The following TMC2 variants were observed in gnomAD, a reference collection of about 807,000 sequenced individuals.
The protein encoded by TMC2 is transmembrane channel like 2.
In TMC2, 102 loss-of-function variants were observed where a neutral mutation model predicts 105.9. The ratio of observed to expected loss-of-function variants is 0.96; its 90% CI spans 0.82 to 1.14. TMC2 has a LOEUF of 1.14. TMC2 is among the 50% of genes most tolerant of loss of function. TMC2 has a pLI of 0.00. For missense variants in TMC2, 1,093 were observed against 1,134.3 expected (o/e 0.96, Z 0.52); for synonymous variants, 402 against 422.8 (o/e 0.95, Z 0.60).
At position 2,597,276 on chromosome 20, in the gene TMC2, C is replaced by T. The variant is rs1171019040; in HGVS notation, c.1202C>T (p.Ala401Val). ...GNSETADNKY[A>V]SITTSFKESI... ...TCAGAGACAGCTGATAACAAATATG[C>T]ATCCATCACCACCAGCTTCAAGGTA... Residue 401 changes from alanine (A) to valine (V), a missense_variant, in exon 10 of 20, where the codon GCA (alanine) becomes GTA (valine). Ala to Val is a moderately conservative substitution (Grantham distance 64). Transcript: ENST00000358864. 5 of 1,613,766 alleles carry T rather than the reference C, an allele frequency of 3.1e-6. No homozygotes were observed. The highest frequency in any genetic ancestry group is 2.7e-5 in the African/African-American group (2 of 74,906).
chr20:2,583,808 A>G lies in TMC2; in HGVS notation c.834+3752A>G, dbSNP rs558893445. ...GATTCTTCCCCAGTCAAACCTTCAAATAAGACCAAAGCAGAAATTTTGGTT... is the reference window on the plus strand; with the variant it reads ...GATTCTTCCCCAGTCAAACCTTCAAGTAAGACCAAAGCAGAAATTTTGGTT... On this transcript the variant is annotated intron_variant, in intron 7 of 19. Transcript: ENST00000358864. 2.6e-5 allele frequency among the ~76,000 whole-genome samples: 4 copies of G among 152,276 alleles called. No individual in the cohort carries two copies. The East Asian group carries it at 5.8e-4, about 22-fold the overall frequency.
chr20:2,606,009 G>A (rs1401264841), intron 11 of TMC2, among the ~76,000 whole-genome samples: 1 of 152,152 alleles, frequency 6.6e-6, no homozygotes, highest in Non-Finnish European at 1.5e-5. Context: ...ACCAAGCTTA[G>A]AGCCTCTCTA....
chr20:2,550,157 C>G (rs2085948176), intron 2 of TMC2, among the ~76,000 whole-genome samples: 1 of 150,556 alleles, frequency 6.6e-6, no homozygotes, highest in Non-Finnish European at 1.5e-5. Flanking sequence ...TGCACTCCAG[C>G]CTGGGCAACA....
chr20:2,537,659 G>A (rs1019418871), intron 2 of TMC2, among the ~76,000 whole-genome samples: 1 of 152,084 alleles, frequency 6.6e-6, no homozygotes, highest in South Asian at 2.1e-4. Flanking sequence ...CCAGGCCCCC[G>A]GACTCTAGGA....
chr20:2,554,549 C>A (rs1330412524), intron 2 of TMC2, among the ~76,000 whole-genome samples: 1 of 152,048 alleles, frequency 6.6e-6, no homozygotes, highest in Admixed American at 6.6e-5. Context: ...GATTTTAGAT[C>A]TTCTTTTCTA....
At chr20:2,568,722 T>C (rs1426241143) in intron 4 of TMC2, among the ~76,000 whole-genome samples, 1 of 152,180 alleles carries the variant, frequency 6.6e-6, no homozygotes, top group East Asian at 1.9e-4. Flanking sequence ...GTATTGGTGT[T>C]CACTGATAAG....
chr20:2,606,633 T>C (rs962441306), intron 11 of TMC2, among the ~76,000 whole-genome samples: 1 of 152,114 alleles, frequency 6.6e-6, no homozygotes, highest in Non-Finnish European at 1.5e-5. Context: ...GAATTATAGG[T>C]TTTTTTAATT....
In TMC2 at chr20:2,592,322, A is replaced by G. The variant is rs141680917; in HGVS notation, c.847A>G (p.Met283Val). 4.7e-4 allele frequency: 758 copies of G among 1,613,028 alleles called. 5 individuals carry two copies. In the East Asian group the frequency reaches 0.015, roughly 32 times the overall value. ...LVIIPEVLMGMPYGSIPRKTV... is the reference protein window; with the variant it reads ...LVIIPEVLMGVPYGSIPRKTV... ...GTTTCTGCACAAGGTACTGATGGGC[A>G]TGCCCTATGGGAGTATTCCCAGAAA... The change falls in exon 8 of 20, where the codon ATG (methionine) becomes GTG (valine). Residue 283 changes from methionine to valine, a missense_variant. Met to Val is a conservative substitution (Grantham distance 21). Coordinates refer to ENST00000358864, the MANE Select transcript of TMC2 (RefSeq NM_080751.3). The surrounding 1 kb of genome is among the most constrained non-coding windows in gnomAD (Gnocchi z 4.9).
chr20:2,593,433 A>G (rs1017653140), intron 8 of TMC2, among the ~76,000 whole-genome samples: 1 of 152,200 alleles, frequency 6.6e-6, no homozygotes, highest in African/African-American at 2.4e-5. Flanking sequence ...AAATCAGTGA[A>G]TATCTGGACT....
intron 2 of TMC2, among the ~76,000 whole-genome samples, chr20:2,554,278 A>G (rs2085973561): frequency 1.3e-5 from 2 of 152,156 alleles, no homozygotes; most frequent in Non-Finnish European, 2.9e-5. Flanking sequence ...AGCCTGGGCA[A>G]CGGAGCAACA....
chr20:2,597,746 C>T (rs1338705242), intron 10 of TMC2, among the ~76,000 whole-genome samples: 15 of 151,946 alleles, frequency 9.9e-5, no homozygotes, highest in East Asian at 3.9e-4. Flanking sequence ...GATCTGCCCT[C>T]CTGCACCTCC....
intron 16 of TMC2, chr20:2,617,674 C>A: frequency 4.3e-6 from 1 of 232,918 alleles, no homozygotes; most frequent in Non-Finnish European, 8.5e-6. Flanking sequence ...ATATAATGAT[C>A]AAATCAGGGT....
chr20:2,576,903 TTTTTTTTTTG>T (rs1397990486), intron 5 of TMC2, among the ~76,000 whole-genome samples: 1 of 119,688 alleles, frequency 8.4e-6, no homozygotes, highest in African/African-American at 3.7e-5. Flanking sequence ...CTTCTTGGTT[TTTTTTTTTTG>T]TTTTTTTTTT....
At chr20:2,570,163 G>A (rs1003478946) in intron 4 of TMC2, among the ~76,000 whole-genome samples, 1 of 151,950 alleles carries the variant, frequency 6.6e-6, no homozygotes, top group South Asian at 2.1e-4. Flanking sequence ...AAAATGAAAG[G>A]CAGGAAAGAA....
chr20:2,588,635 TC>T (rs1568515460), intron 7 of TMC2, among the ~76,000 whole-genome samples: 2 of 151,814 alleles, frequency 1.3e-5, no homozygotes, highest in Non-Finnish European at 1.5e-5. Context: ...TCTATGCCAT[TC>T]CATCTTCTCT....
intron 2 of TMC2, among the ~76,000 whole-genome samples, chr20:2,547,680 A>C (rs1185340122): frequency 1.3e-5 from 2 of 152,362 alleles, no homozygotes; most frequent in East Asian, 3.9e-4. Flanking sequence ...TCAATCTTAA[A>C]AACAAACAAA....
rs1333726345 is a variant in TMC2, at chr20:2,641,269, G to C, written c.2639G>C (p.Gly880Ala). The C allele has an allele frequency of 1.9e-6, 3 of 1,614,134 alleles. No homozygotes were observed. Among genetic ancestry groups the C allele is most frequent in the Non-Finnish European group, 2.5e-6 (3 of 1,180,038 alleles). The change falls in exon 20 of 20, where the codon GGA becomes GCA. Residue 880 changes from glycine (G) to alanine (A), a missense_variant. Coordinates refer to ENST00000358864, the MANE Select transcript of TMC2 (RefSeq NM_080751.3). ...HLPISRPPGI[G>A]PDSGHAPSQT... The stretch of plus-strand genomic sequence containing the variant: ...CCTATATCTCGGCCCCCTGGAATCG[G>C]ACCAGATTCTGGCCACGCCCCATCT...
At chr20:2,578,713 A>AGAG (rs1555773435) in intron 5 of TMC2, among the ~76,000 whole-genome samples, 1 of 152,142 alleles carries the variant, frequency 6.6e-6, no homozygotes, top group Non-Finnish European at 1.5e-5. Flanking sequence ...TTCCTATCAG[A>AGAG]GAGAGGCACT....
At chr20:2,613,057 C>A (rs2086453054) in intron 13 of TMC2, 137 bp from the exon 14 acceptor site, 1 of 1,199,754 alleles carries the variant, frequency 8.3e-7, no homozygotes, top group Non-Finnish European at 1.2e-6. Context: ...TCTCTTCACA[C>A]ACAAAGGATC....
Sources: gnomAD v4.1 joint callset for allele counts (sites outside exome capture counted in the v4.1 genomes callset) on GRCh38, gnomAD v4.1.1 for gene constraint, Gnocchi (gnomAD v3.1) non-coding constraint, MANE v1.5 for transcripts, NCBI Gene and HGNC (gene_info 2026-07-23, HGNC 2026-07-21) for gene names.